Variants in WDPCP observed in about 807,000 individuals in gnomAD.
The protein encoded by WDPCP is WD repeat containing planar cell polarity effector.
In WDPCP, 71 loss-of-function variants were observed where a neutral mutation model predicts 93.1. The observed-to-expected ratio is 0.76, with a 90% confidence interval of 0.63 to 0.93. WDPCP has a LOEUF of 0.93. WDPCP is among the 40% of genes least tolerant of loss of function. The pLI, the probability that WDPCP is intolerant of heterozygous loss-of-function variation, is 0.00. For synonymous variants in WDPCP, 315 were observed against 315.0 expected, an observed-to-expected ratio of 1.00 and a Z score of 0.00; for missense variants, 844 against 887.4, an observed-to-expected ratio of 0.95 and a Z score of 0.62.
intron 14 of WDPCP, among the ~76,000 whole-genome samples, chr2:63,189,312 C>A (rs888113353): frequency 6.6e-5 from 10 of 152,178 alleles, no homozygotes; most frequent in African/African-American, 2.4e-4. Context: ...CACTCTATTT[C>A]TTCTGTTCCA....
chr2:63,786,527 T>C (rs1297724191), intron 2 of WDPCP, among the ~76,000 whole-genome samples: 3 of 152,198 alleles, frequency 2.0e-5, no homozygotes, highest in Non-Finnish European at 4.4e-5. Flanking sequence ...ATATGTGTGT[T>C]GAGCACAGCC....
chr2:63,733,872 C>T (rs1669600595), intron 2 of WDPCP, among the ~76,000 whole-genome samples: 1 of 152,068 alleles, frequency 6.6e-6, no homozygotes. Context: ...TTTTCATCAC[C>T]ATAAAAAAAA....
At chr2:63,128,729 C>T (rs746791492) in intron 17 of WDPCP, among the ~76,000 whole-genome samples, 41 of 152,290 alleles carry the variant, frequency 2.7e-4, no homozygotes, top group Non-Finnish European at 4.9e-4. Flanking sequence ...AGTGCAGTGG[C>T]GCAATCTTGA....
chr2:63,487,401 G>A (rs770955334), intron 3 of WDPCP, 46 bp downstream of exon 3: 9 of 1,351,614 alleles, frequency 6.7e-6, no homozygotes, highest in Non-Finnish European at 9.5e-6. Context: ...TCATGGTTTA[G>A]AATATTTAGT....
At chr2:63,179,405 G>A (rs1253544154) in intron 14 of WDPCP, among the ~76,000 whole-genome samples, 3 of 151,832 alleles carry the variant, frequency 2.0e-5, no homozygotes, top group Non-Finnish European at 4.4e-5. Context: ...AAATGGTTTA[G>A]CACCATCCCC....
intron 3 of WDPCP, among the ~76,000 whole-genome samples, chr2:63,639,362 T>C (rs1226740543): frequency 6.6e-6 from 1 of 152,208 alleles, no homozygotes. Flanking sequence ...CAGGCTGATC[T>C]ATCAAACTCC....
chr2:63,616,078 T>A (rs1709670451), intron 3 of WDPCP, among the ~76,000 whole-genome samples: 1 of 152,214 alleles, frequency 6.6e-6, no homozygotes, highest in Non-Finnish European at 1.5e-5. Context: ...CATTGATGAA[T>A]TCTATCTTTA....
At chr2:63,401,666 A>G (rs545430149) in intron 10 of WDPCP, among the ~76,000 whole-genome samples, 1 of 152,224 alleles carries the variant, frequency 6.6e-6, no homozygotes, top group African/African-American at 2.4e-5. Context: ...TTAGCCAGGC[A>G]TGGTGGCACA....
intron 17 of WDPCP, among the ~76,000 whole-genome samples, chr2:63,133,343 T>C (rs1006743593): frequency 6.6e-6 from 1 of 152,232 alleles, no homozygotes; most frequent in African/African-American, 2.4e-5. Flanking sequence ...CTAGCAGAGA[T>C]CTGAGTTAGG....
chr2:63,567,434 A>G (rs747172868), intron 1 of WDPCP, among the ~76,000 whole-genome samples: 51 of 152,242 alleles, frequency 3.3e-4, no homozygotes, highest in Non-Finnish European at 6.8e-4. Context: ...TTCATTTCCC[A>G]TTATATCACA....
intron 2 of WDPCP, among the ~76,000 whole-genome samples, chr2:63,748,941 TA>T (rs370724600): frequency 7.2e-5 from 11 of 152,244 alleles, no homozygotes; most frequent in African/African-American, 1.4e-4. Context: ...TGCTCTAATT[TA>T]AATTCTTAAC....
chr2:63,522,381 C>T (rs1222223027), intron 1 of WDPCP, among the ~76,000 whole-genome samples: 1 of 150,574 alleles, frequency 6.6e-6, no homozygotes, highest in African/African-American at 2.4e-5. Context: ...CAAACAAACC[C>T]CAAAGCTAGC....
At chr2:63,584,875 T>A (rs1280815988) in intron 1 of WDPCP, among the ~76,000 whole-genome samples, 1 of 152,174 alleles carries the variant, frequency 6.6e-6, no homozygotes, top group Admixed American at 6.5e-5. Flanking sequence ...AGGTAGCTCA[T>A]ACTTCTGGAA....
intron 3 of WDPCP, among the ~76,000 whole-genome samples, chr2:63,649,083 G>A (rs990055117): frequency 1.3e-5 from 2 of 152,024 alleles, no homozygotes; most frequent in Non-Finnish European, 2.9e-5. Flanking sequence ...GTACACTTTA[G>A]TATATTGACT....
intron 1 of WDPCP, among the ~76,000 whole-genome samples, chr2:63,550,716 TATATATATAC>T: frequency 6.6e-6 from 1 of 151,528 alleles, no homozygotes; most frequent in Non-Finnish European, 1.5e-5. Flanking sequence ...TATATGTGTG[TATATATATAC>T]ATATATATGT....
At chr2:63,153,225 G>T (rs563007905) in intron 16 of WDPCP, 16 of 555,424 alleles carry the variant, frequency 2.9e-5, no homozygotes, top group African/African-American at 2.8e-4. Flanking sequence ...TAGAAATGCA[G>T]AGCCATAGGC....
At chr2:63,319,283 A>C (rs1200822563) in intron 12 of WDPCP, among the ~76,000 whole-genome samples, 1 of 152,194 alleles carries the variant, frequency 6.6e-6, no homozygotes, top group African/African-American at 2.4e-5. Context: ...TCTTCAGTTA[A>C]TTTTTGTATA....
intron 5 of WDPCP, 35 bp downstream of exon 5, chr2:63,484,882 G>A: frequency 6.2e-7 from 1 of 1,605,766 alleles, no homozygotes; most frequent in Non-Finnish European, 8.5e-7. Context: ...AAACAGATTT[G>A]TTTGTTGCCA....
chr2:63,657,205 G>GTTTTTT lies in WDPCP; in HGVS notation n.309-6373_309-6368dup, dbSNP rs61597471. Among the ~76,000 whole-genome samples the GTTTTTT allele has an allele frequency of 1.8e-4, 20 of 114,122 alleles. 1 individual carries two copies. Among genetic ancestry groups the GTTTTTT allele is most frequent in the African/African-American group, 3.8e-4 (11 of 28,854 alleles). The allele number at this position is 114,122 out of a possible 152,430, so 74.9% of individuals were successfully genotyped here. A position where few individuals can be genotyped will look rare whatever the true frequency, so the allele number is the denominator to read the frequency against. On this transcript the variant is annotated intron_variant and non_coding_transcript_variant, in intron 2 of 4. Coordinates refer to the WDPCP transcript ENST00000467687. ...ACAGATGAGACAGGTTCTGGGTGAT[G>GTTTTTT]TTTTTTTTTTTTTTTTTGCGACGGA...
Sources: gnomAD v4.1 joint callset for allele counts (sites outside exome capture counted in the v4.1 genomes callset) on GRCh38, gnomAD v4.1.1 for gene constraint, MANE v1.5 for transcripts, NCBI Gene and HGNC (gene_info 2026-07-23, HGNC 2026-07-21) for gene names.